The following TEK variants were observed in gnomAD, a reference collection of about 807,000 sequenced individuals.
TEK encodes the protein TEK receptor tyrosine kinase.
A neutral mutation model predicts 131.8 loss-of-function variants in TEK; 43 were observed. The observed-to-expected ratio is 0.33, with a 90% CI of 0.26 to 0.42. The LOEUF (loss-of-function observed/expected upper bound fraction) is 0.42, where lower values mean the gene tolerates loss of function less well. Ranked by LOEUF, TEK falls within the 10% of genes least tolerant of loss-of-function variation. The pLI, the probability that TEK is intolerant of heterozygous loss-of-function variation, is 1.00. For missense variants in TEK, 1,162 were observed against 1,384.4 expected (o/e 0.84, Z 2.55); for synonymous variants, 580 against 491.6 (o/e 1.18, Z -2.38).
intron 1 of TEK, among the ~76,000 whole-genome samples, chr9:27,136,579 C>A (rs7873019): frequency 0.52 from 78,862 of 151,884 alleles, 21,465 homozygotes; most frequent in African/African-American, 0.57. Flanking sequence ...GGACATACAG[C>A]CACAATCATA....
At chr9:27,113,548 A>C (rs1252334059) in intron 1 of TEK, among the ~76,000 whole-genome samples, 2 of 152,194 alleles carry the variant, frequency 1.3e-5, no homozygotes, top group Admixed American at 1.3e-4. Flanking sequence ...AGATCACGCC[A>C]TTGTACTCCA....
At chr9:27,150,602 A>T (rs1823088462) in intron 1 of TEK, among the ~76,000 whole-genome samples, 1 of 152,094 alleles carries the variant, frequency 6.6e-6, no homozygotes, top group Admixed American at 6.5e-5. Context: ...CAAGAGTGAG[A>T]CACTGTCTCA....
intron 1 of TEK, among the ~76,000 whole-genome samples, chr9:27,118,125 G>A (rs571805696): frequency 6.6e-6 from 1 of 152,242 alleles, no homozygotes. Context: ...AATCTGGGAT[G>A]GGCTTCAAAT....
rs1826415886 is a variant in TEK at position 27,228,234 on chromosome 9, G to A, written c.3229G>A (p.Glu1077Lys). Residue 1077 changes from glutamate (E) to lysine (K), a missense_variant, in exon 22 of 23, where the codon GAG becomes AAG. By Grantham distance (56) the Glu-to-Lys change is moderately conservative (BLOSUM62 1). Transcript: ENST00000380036. ...TGATCTAATGAGACAATGCTGGCGGGAGAAGCCTTATGAGAGGCCATCATT... is the reference window on the plus strand; with the variant it reads ...TGATCTAATGAGACAATGCTGGCGGAAGAAGCCTTATGAGAGGCCATCATT... ...VYDLMRQCWREKPYERPSFAQ... is the reference protein window; with the variant it reads ...VYDLMRQCWRKKPYERPSFAQ... 1.2e-6 allele frequency: 2 copies of A among 1,612,992 alleles called. No individual in the cohort carries two copies. Among genetic ancestry groups the A allele is most frequent in the Non-Finnish European group, 1.7e-6 (2 of 1,179,220 alleles).
intron 1 of TEK, among the ~76,000 whole-genome samples, chr9:27,123,413 C>T (rs1474386438): frequency 6.6e-6 from 1 of 152,154 alleles, no homozygotes; most frequent in African/African-American, 2.4e-5. Flanking sequence ...TCTCCTTCCC[C>T]TGCATGTGGT....
At chr9:27,135,139 G>T (rs1437488470) in intron 1 of TEK, among the ~76,000 whole-genome samples, 1 of 151,862 alleles carries the variant, frequency 6.6e-6, no homozygotes, top group Non-Finnish European at 1.5e-5. Flanking sequence ...CAGGAGAATC[G>T]CTTGAACCCA....
At chr9:27,154,549 G>A (rs1025090396) in intron 1 of TEK, among the ~76,000 whole-genome samples, 2 of 152,194 alleles carry the variant, frequency 1.3e-5, no homozygotes, top group African/African-American at 4.8e-5. Flanking sequence ...CCCCGAATAG[G>A]TCATCGTTGT....
chr9:27,217,251 G>A (rs1446562233), intron 18 of TEK, among the ~76,000 whole-genome samples: 6 of 152,072 alleles, frequency 3.9e-5, no homozygotes, highest in Admixed American at 6.6e-5. Context: ...GGGATATCCC[G>A]TCCTCTGGAG....
intron 12 of TEK, among the ~76,000 whole-genome samples, chr9:27,198,007 C>G (rs1446936229): frequency 6.6e-6 from 1 of 152,048 alleles, no homozygotes; most frequent in Non-Finnish European, 1.5e-5. Flanking sequence ...CCCTTGAAAA[C>G]AGGTAATTTT....
chr9:27,149,129 T>C (rs1294310646), intron 1 of TEK, among the ~76,000 whole-genome samples: 1 of 152,248 alleles, frequency 6.6e-6, no homozygotes, highest in African/African-American at 2.4e-5. Context: ...TTTATTTATT[T>C]ATTCATTCAT....
intron 7 of TEK, among the ~76,000 whole-genome samples, chr9:27,181,898 C>T (rs571250373): frequency 3.2e-4 from 48 of 152,238 alleles, no homozygotes; most frequent in African/African-American, 1.2e-3. Flanking sequence ...CACAATAATA[C>T]AGCTATGGCC....
intron 9 of TEK, among the ~76,000 whole-genome samples, chr9:27,186,764 A>T (rs1346476537): frequency 2.6e-5 from 4 of 152,280 alleles, no homozygotes; most frequent in Admixed American, 2.0e-4. Flanking sequence ...CTTCATTAGT[A>T]ATCTCTTGGG....
At chr9:27,206,527 C>G (rs1825406257) in intron 14 of TEK, 55 bp from the exon 15 acceptor site, 1 of 1,553,496 alleles carries the variant, frequency 6.4e-7, no homozygotes, top group Non-Finnish European at 8.8e-7. Flanking sequence ...GACATTATGC[C>G]CCTTAGAATT....
intron 12 of TEK, among the ~76,000 whole-genome samples, chr9:27,202,320 T>TTAG (rs1255706390): frequency 6.6e-6 from 1 of 152,222 alleles, no homozygotes. Flanking sequence ...ACTAAGACTA[T>TTAG]GGACTACAGA....
chr9:27,202,023 G>C (rs1305477867), intron 12 of TEK, among the ~76,000 whole-genome samples: 1 of 152,164 alleles, frequency 6.6e-6, no homozygotes, highest in African/African-American at 2.4e-5. Flanking sequence ...TCTTTTCCTG[G>C]ATCAAATAGG....
intron 14 of TEK, among the ~76,000 whole-genome samples, chr9:27,206,098 G>A (rs1345623029): frequency 6.6e-6 from 1 of 152,218 alleles, no homozygotes; most frequent in Non-Finnish European, 1.5e-5. Flanking sequence ...TGGACTTAGA[G>A]ATTCTAAGCC....
chr9:27,143,525 A>G (rs1215595526), intron 1 of TEK, among the ~76,000 whole-genome samples: 3 of 152,140 alleles, frequency 2.0e-5, no homozygotes. Context: ...TTGTGTACTA[A>G]ATGTGACTTA....
intron 2 of TEK, 47 bp downstream of exon 2, chr9:27,158,189 C>A (rs751072392): frequency 5.6e-6 from 9 of 1,608,654 alleles, no homozygotes; most frequent in Non-Finnish European, 3.4e-6. Context: ...CTGAGGAACA[C>A]ACACACCTTT....
intron 16 of TEK, among the ~76,000 whole-genome samples, chr9:27,211,993 T>TAAAA (rs771506750): frequency 2.8e-5 from 4 of 144,054 alleles, no homozygotes; most frequent in African/African-American, 7.7e-5. Context: ...AACGTTTTAT[T>TAAAA]AAAAAAAAAA....
Sources: allele counts gnomAD v4.1 joint callset (sites outside exome capture counted in the v4.1 genomes callset), GRCh38; gene constraint gnomAD v4.1.1; transcripts MANE v1.5; gene names NCBI Gene and HGNC (gene_info 2026-07-23, HGNC 2026-07-21).